SERPINB9: variants seen among roughly 807,000 people sequenced by gnomAD.
The protein encoded by SERPINB9 is serpin family B member 9.
A neutral mutation model predicts 27.2 loss-of-function variants in SERPINB9; 20 were observed. The ratio of observed to expected loss-of-function variants is 0.74; its 90% CI spans 0.52 to 1.07. SERPINB9 has a LOEUF of 1.07. Ranked by LOEUF, SERPINB9 falls within the 50% of genes least tolerant of loss-of-function variation. The probability of loss-of-function intolerance (pLI) is 0.00; values close to 1 mark genes in which losing one functional copy is unlikely to be tolerated. For missense variants in SERPINB9, 476 were observed against 460.1 expected (o/e 1.03, Z -0.32); for synonymous variants, 189 against 180.0 (o/e 1.05, Z -0.40).
In SERPINB9 at chr6:2,889,381, A is replaced by C. The variant is rs1329996358; in HGVS notation, c.*782T>G. On this transcript the variant is annotated 3_prime_UTR_variant, in exon 7 of 7. Coordinates refer to ENST00000380698, the MANE Select transcript of SERPINB9 (RefSeq NM_004155.6). ...GTTTGGTGCATGCTTGGTGATTGGT[A>C]AATGTCAAAGAAAAAGATAAAAGAT... 2 of 152,228 alleles carry C rather than the reference A, an allele frequency of 1.3e-5. No homozygotes were observed. The highest frequency in any genetic ancestry group is 2.4e-5 in the African/African-American group (1 of 41,440). 9.4% of individuals were successfully genotyped at this position (152,228 alleles called of 1,614,324 possible).
chr6:2,892,646 A>G (rs2113602654), intron 5 of SERPINB9, among the ~76,000 whole-genome samples: 1 of 152,326 alleles, frequency 6.6e-6, no homozygotes, highest in Admixed American at 6.5e-5. Flanking sequence ...TATAAAAATT[A>G]AAATAGTTCT....
chr6:2,898,041 A>C (rs771397983), intron 2 of SERPINB9, among the ~76,000 whole-genome samples: 5 of 152,130 alleles, frequency 3.3e-5, no homozygotes, highest in Non-Finnish European at 5.9e-5. Flanking sequence ...GCACCACTGC[A>C]CTCCAGCCTG....
chr6:2,897,963 G>A (rs537357159), intron 2 of SERPINB9, among the ~76,000 whole-genome samples: 32 of 152,222 alleles, frequency 2.1e-4, no homozygotes, highest in African/African-American at 6.0e-4. Context: ...CCAGCTACTC[G>A]GGAGGCTGAG....
rs1767770680 is a variant in SERPINB9, at chr6:2,890,721, A to G, written c.724-151T>C. The G allele has an allele frequency of 1.4e-6, 1 of 722,406 alleles. No individual in the cohort carries two copies. Among genetic ancestry groups the G allele is most frequent in the Admixed American group, 2.8e-5 (1 of 35,622 alleles). 44.7% of individuals were successfully genotyped at this position (722,406 alleles called of 1,614,324 possible). A position where few individuals can be genotyped will look rare whatever the true frequency, so the allele number is the denominator to read the frequency against. On this transcript the variant is annotated intron_variant, in intron 6 of 6. Coordinates refer to ENST00000380698, the MANE Select transcript of SERPINB9 (RefSeq NM_004155.6). The surrounding 1 kb of genome is among the most constrained non-coding windows in gnomAD (Gnocchi z 6.2). ...CTTCATCTGCCAGAAGCTTGTGAGC[A>G]CTCTTACTTGTCCTATGTCCCATGT...
intron 2 of SERPINB9, chr6:2,900,005 A>AT: frequency 2.2e-6 from 1 of 448,486 alleles, no homozygotes; most frequent in Non-Finnish European, 4.5e-6. Context: ...CTTCTTGCAA[A>AT]TTTCTGTTGA....
rs61100591 is a variant in SERPINB9, at chr6:2,900,885, T to TCTCTCTCTCACACACACACACACA, written c.-10-265_-10-264insTGTGTGTGTGTGTGTGAGAGAGAG. On this transcript the variant is annotated intron_variant, in intron 1 of 6. Transcript: ENST00000380698. Reference sequence around the variant, plus strand: ...TGGCTCGCCTGCAGAGCTCGCTCTCTCACACACACACACACACACACACAC... The same window carrying TCTCTCTCTCACACACACACACACA: ...TGGCTCGCCTGCAGAGCTCGCTCTCTCTCTCTCTCACACACACACACACACACACACACACACACACACACACAC... Among the ~76,000 whole-genome samples the TCTCTCTCTCACACACACACACACA allele has an allele frequency of 5.5e-3, 773 of 141,554 alleles. 11 individuals are homozygous for TCTCTCTCTCACACACACACACACA. The highest frequency in any genetic ancestry group is 0.021 in the African/African-American group (737 of 35,824). 92.9% of individuals were successfully genotyped at this position (141,554 alleles called of 152,430 possible). A position where few individuals can be genotyped will look rare whatever the true frequency, so the allele number is the denominator to read the frequency against.
chr6:2,900,885 T>TCACTCACACACACACACA (rs1554097728), intron 1 of SERPINB9, among the ~76,000 whole-genome samples: 1 of 141,482 alleles, frequency 7.1e-6, no homozygotes, highest in Non-Finnish European at 1.5e-5. Flanking sequence ...GCTCGCTCTC[T>TCACTCACACACACACACA]CACACACACA....
rs1327890139 is a variant in SERPINB9, at chr6:2,901,636, C to A, written c.-10-1015G>T. On this transcript the variant is annotated intron_variant, in intron 1 of 6. Transcript: ENST00000380698. ...AACCAAATGAACCCCCACCCCCAGG[C>A]TGCAGTTCCCAGTGCACTTGGAAAT... 2.0e-5 allele frequency among the ~76,000 whole-genome samples: 3 copies of A among 152,108 alleles called. No individual in the cohort carries two copies. In the East Asian group the frequency reaches 5.8e-4, roughly 29 times the overall value.
At position 2,893,193 on chromosome 6, in the gene SERPINB9, T is replaced by TATATATATTATATATACGTATATATA. The variant is rs1767874092; in HGVS notation, c.567+217_567+218insTATATATACGTATATATAATATATAT. Among the ~76,000 whole-genome samples, 55 of 123,366 alleles carry TATATATATTATATATACGTATATATA rather than the reference T, an allele frequency of 4.5e-4. 3 individuals carry two copies. Among genetic ancestry groups the TATATATATTATATATACGTATATATA allele is most frequent in the Non-Finnish European group, 6.5e-4 (39 of 60,220 alleles). 80.9% of individuals were successfully genotyped at this position (123,366 alleles called of 152,430 possible). A position where few individuals can be genotyped will look rare whatever the true frequency, so the allele number is the denominator to read the frequency against. On this transcript the variant is annotated intron_variant, in intron 5 of 6. Coordinates refer to ENST00000380698, the MANE Select transcript of SERPINB9 (RefSeq NM_004155.6). ...GAGCAGTGATAAAACACTACATATA[T>TATATATATTATATATACGTATATATA]ATATATATATTATATATACGTATAT... is the stretch of plus-strand genomic sequence containing the variant.
intron 2 of SERPINB9, among the ~76,000 whole-genome samples, chr6:2,898,965 A>G (rs1471449117): frequency 6.6e-6 from 1 of 152,176 alleles, no homozygotes; most frequent in Non-Finnish European, 1.5e-5. Flanking sequence ...TTATATAATG[A>G]AGGAAAAATA....
chr6:2,890,254 G>A lies in SERPINB9; in HGVS notation c.1040C>T (p.Pro347Leu), dbSNP rs1172136541. Residue 347 changes from proline to leucine, a missense_variant, in exon 7 of 7, where the codon CCC becomes CTC. By Grantham distance (98) the Pro-to-Leu change is moderately conservative. Coordinates refer to ENST00000380698, the MANE Select transcript of SERPINB9 (RefSeq NM_004155.6). The surrounding 1 kb of genome is among the most constrained non-coding windows in gnomAD (Gnocchi z 6.2). ...GAAAGGGTGGTCAGCACAGAACCTGGGGCCAGATTCCATGCAGCACTCTGC... is the reference window on the plus strand; with the variant it reads ...GAAAGGGTGGTCAGCACAGAACCTGAGGCCAGATTCCATGCAGCACTCTGC... Reference protein sequence around the residue: ...VVAECCMESGPRFCADHPFLF... With the variant: ...VVAECCMESGLRFCADHPFLF... 5.6e-6 allele frequency: 9 copies of A among 1,614,150 alleles called. No individual in the cohort carries two copies. Among genetic ancestry groups the A allele is most frequent in the African/African-American group, 2.7e-5 (2 of 75,018 alleles).
intron 2 of SERPINB9, among the ~76,000 whole-genome samples, chr6:2,896,508 CG>C (rs1561646454): frequency 6.6e-6 from 1 of 151,672 alleles, no homozygotes; most frequent in African/African-American, 2.4e-5. Flanking sequence ...GAAAAATAGA[CG>C]GAAATACAAT....
intron 2 of SERPINB9, among the ~76,000 whole-genome samples, chr6:2,897,584 C>T (rs961391532): frequency 6.6e-6 from 1 of 152,248 alleles, no homozygotes; most frequent in African/African-American, 2.4e-5. Context: ...TAAGTTAAAA[C>T]ATAGCATTGT....
chr6:2,902,887 A>G (rs746858168), intron 1 of SERPINB9, among the ~76,000 whole-genome samples: 3 of 152,194 alleles, frequency 2.0e-5, no homozygotes, highest in Non-Finnish European at 2.9e-5. Context: ...AGAGCAGAGA[A>G]GAGCAGTGAG....
At chr6:2,896,281 A>G in intron 2 of SERPINB9, 91 bp from the exon 3 acceptor site, 1 of 1,171,934 alleles carries the variant, frequency 8.5e-7, no homozygotes, top group Non-Finnish European at 1.2e-6. Flanking sequence ...GGCGAGTAAA[A>G]GATGTAGCCA....
At chr6:2,899,471 T>C (rs576446833) in intron 2 of SERPINB9, among the ~76,000 whole-genome samples, 95 of 152,354 alleles carry the variant, frequency 6.2e-4, no homozygotes, top group Middle Eastern at 3.4e-3. Context: ...TCGTTATTGA[T>C]CTTTTTGCCA....
intron 4 of SERPINB9, 42 bp downstream of exon 4, chr6:2,895,349 A>G (rs201598797): frequency 2.3e-6 from 3 of 1,313,658 alleles, no homozygotes; most frequent in East Asian, 4.6e-5. Flanking sequence ...CCGCAGGAGG[A>G]GGACGGGTTG....
At chr6:2,892,990 C>T (rs1767860768) in intron 5 of SERPINB9, among the ~76,000 whole-genome samples, 1 of 149,480 alleles carries the variant, frequency 6.7e-6, no homozygotes, top group African/African-American at 2.5e-5. Flanking sequence ...CATGTTTTCA[C>T]CTTCTCTCCC....
Position 2,894,977 on chromosome 6 carries a change from G to C in SERPINB9, c.424+414C>G, listed in dbSNP as rs928890190. 6.6e-6 allele frequency among the ~76,000 whole-genome samples: 1 copy of C among 151,464 alleles called. No individual in the cohort carries two copies. Among genetic ancestry groups the C allele is most frequent in the Non-Finnish European group, 1.5e-5 (1 of 67,930 alleles). ...CCACCATGTTGGTCAGGCTGGTCTC[G>C]AACTCCTGACCTCAAGTGATATGTC... On this transcript the variant is annotated intron_variant, in intron 4 of 6. Transcript: ENST00000380698. The surrounding 1 kb of genome is among the most constrained non-coding windows in gnomAD (Gnocchi z 4.7).
Sources: allele counts gnomAD v4.1 joint callset (sites outside exome capture counted in the v4.1 genomes callset), GRCh38; gene constraint gnomAD v4.1.1; non-coding constraint Gnocchi (gnomAD v3.1); transcripts MANE v1.5; gene names NCBI Gene and HGNC (gene_info 2026-07-23, HGNC 2026-07-21).